ASTN2: variants seen among roughly 807,000 people sequenced by gnomAD.
The protein encoded by ASTN2 is astrotactin 2, also known as astrotactin-2.
Under a neutral mutation model 139.8 loss-of-function variants are expected in ASTN2, and 54 were observed. The ratio of observed to expected loss-of-function variants is 0.39; its 90% CI spans 0.31 to 0.48. The LOEUF is 0.48. Ranked by LOEUF, ASTN2 falls within the 20% of genes least tolerant of loss-of-function variation. The pLI is 0.95. For synonymous variants in ASTN2, 756 were observed against 719.5 expected (o/e 1.05, Z -0.81); for missense variants, 1,565 against 1,725.1 (o/e 0.91, Z 1.64).
At chr9:116,838,286 T>C (rs2132296866) in intron 11 of ASTN2, among the ~76,000 whole-genome samples, 2 of 151,986 alleles carry the variant, frequency 1.3e-5, no homozygotes, top group South Asian at 4.2e-4. Context: ...ATTCTGTATT[T>C]TTAGTAGAGG....
At chr9:116,827,006 C>T (rs73529475) in intron 11 of ASTN2, among the ~76,000 whole-genome samples, 4,905 of 152,148 alleles carry the variant, frequency 0.032, 274 homozygotes, top group African/African-American at 0.11. Flanking sequence ...CCTAATATCA[C>T]ACCTGAAAGA....
chr9:116,645,198 T>A (rs1857528076), intron 17 of ASTN2, among the ~76,000 whole-genome samples: 2 of 152,184 alleles, frequency 1.3e-5, no homozygotes, highest in South Asian at 4.1e-4. Flanking sequence ...CTTGGAAGAC[T>A]CTCTTTCACC....
chr9:116,891,295 T>G (rs929513724), intron 10 of ASTN2, among the ~76,000 whole-genome samples: 10 of 152,228 alleles, frequency 6.6e-5, no homozygotes, highest in African/African-American at 2.4e-4. Context: ...ATTTCGCTTT[T>G]GTTTACTCAA....
intron 1 of ASTN2, among the ~76,000 whole-genome samples, chr9:117,391,950 C>T: frequency 6.6e-6 from 1 of 152,178 alleles, no homozygotes; most frequent in Non-Finnish European, 1.5e-5. Flanking sequence ...AATCTTAAAT[C>T]TCCAAAATGA....
chr9:117,189,240 CT>C (rs10712634), intron 3 of ASTN2, among the ~76,000 whole-genome samples: 52,506 of 152,046 alleles, frequency 0.35, 9,158 homozygotes, highest in East Asian at 0.42. Flanking sequence ...AAATTAGTCC[CT>C]TCCAGTCAGG....
chr9:117,321,275 T>C (rs1219747077), intron 1 of ASTN2, among the ~76,000 whole-genome samples: 1 of 152,208 alleles, frequency 6.6e-6, no homozygotes. Flanking sequence ...CCTAGATCAG[T>C]ACCAGGTTGA....
At chr9:116,559,496 CA>C (rs57971276) in intron 19 of ASTN2, among the ~76,000 whole-genome samples, 24,127 of 152,064 alleles carry the variant, frequency 0.16, 2,077 homozygotes, top group African/African-American at 0.21. Flanking sequence ...TCTTTACTCT[CA>C]ACTTAGTGTG....
chr9:116,489,329 TTTTTAA>T (rs1281215925), intron 19 of ASTN2, among the ~76,000 whole-genome samples: 3 of 152,140 alleles, frequency 2.0e-5, no homozygotes, highest in Admixed American at 6.5e-5. Context: ...ATTTATTTAT[TTTTTAA>T]TTTTAATTTT....
Position 117,039,905 on chromosome 9 carries a change from A to G in ASTN2, c.1337T>C (p.Ile446Thr). The G allele has an allele frequency of 6.2e-7, 1 of 1,613,858 alleles. No homozygotes were observed. Among genetic ancestry groups the G allele is most frequent in the East Asian group, 2.2e-5 (1 of 44,800 alleles). ...CTGGCTGCCACACACCATGGCCAGG[A>G]TGCAGGAACTCACAGCAATCAGTGT... ...ALTLIAVSSC[I>T]LAMVCGSQMS... Residue 446 changes from isoleucine (I) to threonine (T), a missense_variant, in exon 6 of 23, where the codon ATC becomes ACC. By Grantham distance (89) the Ile-to-Thr change is moderately conservative (BLOSUM62 -1). This residue lies in a region of ASTN2 where 503 missense variants were observed against 591.7 expected (regional missense o/e 0.85). Transcript: ENST00000313400.
intron 2 of ASTN2, among the ~76,000 whole-genome samples, chr9:117,218,115 A>T (rs1237386303): frequency 6.6e-6 from 1 of 152,258 alleles, no homozygotes; most frequent in Admixed American, 6.5e-5. Flanking sequence ...CTTCTGCCTT[A>T]TCAAGTTACC....
chr9:117,205,286 A>C (rs1831879441), intron 3 of ASTN2, among the ~76,000 whole-genome samples: 1 of 152,194 alleles, frequency 6.6e-6, no homozygotes, highest in Non-Finnish European at 1.5e-5. Context: ...TCAGAAGTCC[A>C]GCTAAAACTG....
chr9:116,684,588 G>A (rs1443043751), intron 16 of ASTN2, among the ~76,000 whole-genome samples: 2 of 152,122 alleles, frequency 1.3e-5, no homozygotes, highest in Non-Finnish European at 2.9e-5. Flanking sequence ...AACTATAGAT[G>A]AGAGTACTAA....
At chr9:116,981,976 C>T (rs975129996) in intron 7 of ASTN2, among the ~76,000 whole-genome samples, 1 of 152,196 alleles carries the variant, frequency 6.6e-6, no homozygotes, top group Non-Finnish European at 1.5e-5. Flanking sequence ...CTTCATGTCT[C>T]CTGGCTGCCA....
rs35185441 is a variant in ASTN2 at position 117,134,293 on chromosome 9, T to C, written c.1168+7033A>G. Among the ~76,000 whole-genome samples, 396 of 53,862 alleles carry C rather than the reference T, an allele frequency of 7.4e-3. 1 individual carries two copies. Among genetic ancestry groups the C allele is most frequent in the Middle Eastern group, 0.038 (3 of 78 alleles). 35.3% of individuals were successfully genotyped at this position (53,862 alleles called of 152,430 possible). On this transcript the variant is annotated intron_variant, in intron 4 of 22. Transcript: ENST00000313400. ...ATATATATATATATATATATATATA[T>C]ATACACACACACACACACACACACA...
intron 19 of ASTN2, among the ~76,000 whole-genome samples, chr9:116,537,416 C>T (rs1036051745): frequency 1.3e-5 from 2 of 152,214 alleles, no homozygotes; most frequent in Non-Finnish European, 1.5e-5. Flanking sequence ...ATTCATTTGA[C>T]AGTTTATTTC....
At chr9:116,633,051 C>T (rs1185522343) in intron 17 of ASTN2, among the ~76,000 whole-genome samples, 1 of 152,202 alleles carries the variant, frequency 6.6e-6, no homozygotes, top group African/African-American at 2.4e-5. Context: ...CTTAGTAGAC[C>T]TGCTCAGTCA....
chr9:116,601,012 G>A (rs1854869358), intron 19 of ASTN2, among the ~76,000 whole-genome samples: 1 of 152,150 alleles, frequency 6.6e-6, no homozygotes, highest in African/African-American at 2.4e-5. Context: ...ATATTTTAGT[G>A]AGAAAGGCAA....
chr9:116,603,954 TCAAA>T (rs1224985863), intron 19 of ASTN2, among the ~76,000 whole-genome samples: 2 of 152,128 alleles, frequency 1.3e-5, no homozygotes, highest in Non-Finnish European at 2.9e-5. Context: ...AACCAGACTC[TCAAA>T]CAATTTCCCA....
intron 20 of ASTN2, among the ~76,000 whole-genome samples, chr9:116,466,389 C>G (rs186612629): frequency 6.6e-6 from 1 of 152,302 alleles, no homozygotes; most frequent in African/African-American, 2.4e-5. Context: ...TGAGTCTTGA[C>G]GTCATTGGCT....
Sources: gnomAD v4.1 joint callset for allele counts (sites outside exome capture counted in the v4.1 genomes callset) on GRCh38, gnomAD v4.1.1 for gene constraint, gnomAD v4.1.1 regional missense constraint, MANE v1.5 for transcripts, NCBI Gene and HGNC (gene_info 2026-07-23, HGNC 2026-07-21) for gene names.